The following VPS13B variants were observed in gnomAD, a reference collection of about 807,000 sequenced individuals.
VPS13B encodes the protein vacuolar protein sorting 13 homolog B.
VPS13B carries 285 observed loss-of-function variants against 426.4 expected under a neutral mutation model. The observed-to-expected ratio is 0.67, with a 90% CI of 0.61 to 0.74. VPS13B has a LOEUF of 0.74. Among genes scored for constraint, VPS13B ranks in the 30% least tolerant of loss-of-function variants. The probability of loss-of-function intolerance (pLI) is 0.00; values close to 1 mark genes in which losing one functional copy is unlikely to be tolerated. For missense variants in VPS13B, 4,537 were observed against 4,782.6 expected, an observed-to-expected ratio of 0.95 and a Z score of 1.51; for synonymous variants, 1,676 against 1,676.4, an observed-to-expected ratio of 1.00 and a Z score of 0.01.
chr8:99,671,603 G>A (rs1830719053), intron 35 of VPS13B, among the ~76,000 whole-genome samples: 1 of 152,062 alleles, frequency 6.6e-6, no homozygotes, highest in Non-Finnish European at 1.5e-5. Context: ...GTAGTTTTTG[G>A]TCTTACTACA....
At chr8:99,033,752 T>A (rs1252665698) in intron 2 of VPS13B, among the ~76,000 whole-genome samples, 1 of 151,838 alleles carries the variant, frequency 6.6e-6, no homozygotes, top group Non-Finnish European at 1.5e-5. Context: ...AAAAATTAGC[T>A]GGGTGTGGTG....
At chr8:99,451,959 A>G (rs1156758657) in intron 23 of VPS13B, among the ~76,000 whole-genome samples, 1 of 152,136 alleles carries the variant, frequency 6.6e-6, no homozygotes. Context: ...GACCAAAGTA[A>G]TTTGAAATTC....
intron 19 of VPS13B, among the ~76,000 whole-genome samples, chr8:99,351,310 C>T (rs878894435): frequency 6.6e-6 from 1 of 152,102 alleles, no homozygotes; most frequent in Admixed American, 6.5e-5. Flanking sequence ...AATTCCTATG[C>T]TTCAAAACCT....
intron 19 of VPS13B, among the ~76,000 whole-genome samples, chr8:99,333,594 T>G (rs1810660597): frequency 1.3e-5 from 2 of 151,892 alleles, no homozygotes; most frequent in South Asian, 4.1e-4. Flanking sequence ...ATAGTCAAGA[T>G]ACAGAATAGT....
At chr8:99,504,629 T>C (rs1031766659) in intron 27 of VPS13B, among the ~76,000 whole-genome samples, 4 of 152,150 alleles carry the variant, frequency 2.6e-5, no homozygotes, top group African/African-American at 9.7e-5. Context: ...CTTAAAATAT[T>C]CAGGAGACCA....
intron 19 of VPS13B, among the ~76,000 whole-genome samples, chr8:99,315,177 C>G (rs2133111908): frequency 6.6e-6 from 1 of 152,224 alleles, no homozygotes; most frequent in African/African-American, 2.4e-5. Flanking sequence ...ATCTAAATCT[C>G]TTGCTAAACT....
chr8:99,369,914 C>T (rs1036169880), intron 19 of VPS13B, among the ~76,000 whole-genome samples: 1 of 151,930 alleles, frequency 6.6e-6, no homozygotes, highest in South Asian at 2.1e-4. Context: ...ATAGTATTAC[C>T]CTGAAACATT....
At chr8:99,760,219 G>A (rs1421209278) in intron 39 of VPS13B, among the ~76,000 whole-genome samples, 2 of 152,106 alleles carry the variant, frequency 1.3e-5, no homozygotes, top group African/African-American at 4.8e-5. Context: ...TTGTGACCCT[G>A]TGATCCACTT....
chr8:99,354,877 C>A (rs780357107), intron 19 of VPS13B, among the ~76,000 whole-genome samples: 4 of 152,100 alleles, frequency 2.6e-5, no homozygotes, highest in Non-Finnish European at 5.9e-5. Context: ...GACAAAAAAT[C>A]CAGCTCTGAT....
At position 99,417,976 on chromosome 8, in the gene VPS13B, C is replaced by T. The variant is rs188298903; in HGVS notation, c.3083-13561C>T. On this transcript the variant is annotated intron_variant, in intron 21 of 61. Transcript: ENST00000357162. Reference sequence around the variant, plus strand: ...GAATAAAAAAAGAAACCTAGGTTTTCTGAGTCCTCCCAGTCCATGCTTTCA... The same window carrying T: ...GAATAAAAAAAGAAACCTAGGTTTTTTGAGTCCTCCCAGTCCATGCTTTCA... Among the ~76,000 whole-genome samples the T allele has an allele frequency of 7.9e-5, 12 of 152,236 alleles. No individual in the cohort carries two copies. In the East Asian group the frequency reaches 2.3e-3, roughly 29 times the overall value.
rs986430895 is a variant in VPS13B, at chr8:99,033,081, A to T, written c.148-5342A>T. ...TCCTTTTAAACCAGAAGAACAAAGG[A>T]GAAAAAAGCATTTATACTGTCCTTT... On this transcript the variant is annotated intron_variant, in intron 2 of 61. Coordinates refer to ENST00000357162, the MANE Select transcript of VPS13B (RefSeq NM_152564.5). 7.9e-5 allele frequency among the ~76,000 whole-genome samples: 12 copies of T among 152,326 alleles called. No homozygotes were observed. In the South Asian group the frequency reaches 8.3e-4, roughly 11 times the overall value.
At chr8:99,833,164 G>C (rs761135127) in intron 52 of VPS13B, among the ~76,000 whole-genome samples, 43 of 152,202 alleles carry the variant, frequency 2.8e-4, no homozygotes, top group Non-Finnish European at 5.6e-4. Flanking sequence ...AGAAGACTCT[G>C]TTCTGTGGTC....
At chr8:99,836,939 G>A (rs1362022609) in intron 54 of VPS13B, among the ~76,000 whole-genome samples, 1 of 152,214 alleles carries the variant, frequency 6.6e-6, no homozygotes, top group African/African-American at 2.4e-5. Flanking sequence ...TGTAGTGGAA[G>A]CAAAAGGCCT....
intron 24 of VPS13B, among the ~76,000 whole-genome samples, chr8:99,471,453 C>T (rs182403540): frequency 6.6e-4 from 100 of 151,752 alleles, no homozygotes; most frequent in Admixed American, 2.0e-3. Flanking sequence ...TTAAGTAGAC[C>T]GAAAGTTTTG....
At chr8:99,521,122 G>A (rs1822362178) in intron 30 of VPS13B, 112 bp downstream of exon 30, 1 of 900,970 alleles carries the variant, frequency 1.1e-6, no homozygotes, top group Non-Finnish European at 1.7e-6. Flanking sequence ...AGGATCTTTT[G>A]ATATTTAAAA....
chr8:99,813,408 A>G (rs1180688755), intron 44 of VPS13B, among the ~76,000 whole-genome samples: 1 of 152,240 alleles, frequency 6.6e-6, no homozygotes, highest in Non-Finnish European at 1.5e-5. Flanking sequence ...AGCAAGAGCC[A>G]TGTGCATATA....
chr8:99,589,658 A>G lies in VPS13B; in HGVS notation c.5220+12025A>G, dbSNP rs149231602. 3.3e-5 allele frequency among the ~76,000 whole-genome samples: 5 copies of G among 152,070 alleles called. 1 individual carries two copies. Among genetic ancestry groups the G allele is most frequent in the African/African-American group, 1.2e-4 (5 of 41,366 alleles). Reference sequence around the variant, plus strand: ...CTTTGCTATTGCGAATAGTGCCGCTATAAACATACATGTGCCTGTGTCTTT... The same window carrying G: ...CTTTGCTATTGCGAATAGTGCCGCTGTAAACATACATGTGCCTGTGTCTTT... On this transcript the variant is annotated intron_variant, in intron 33 of 61. Coordinates refer to ENST00000357162, the MANE Select transcript of VPS13B (RefSeq NM_152564.5).
intron 4 of VPS13B, among the ~76,000 whole-genome samples, chr8:99,100,727 T>C (rs1846686565): frequency 6.6e-6 from 1 of 152,166 alleles, no homozygotes; most frequent in African/African-American, 2.4e-5. Flanking sequence ...TAAAAACTCA[T>C]GAATGCTTAC....
intron 3 of VPS13B, among the ~76,000 whole-genome samples, chr8:99,039,070 A>G (rs748234155): frequency 6.6e-6 from 1 of 152,178 alleles, no homozygotes; most frequent in Non-Finnish European, 1.5e-5. Context: ...GGTTGTTTTC[A>G]TACAGATTTT....
Sources: allele counts gnomAD v4.1 joint callset (sites outside exome capture counted in the v4.1 genomes callset), GRCh38; gene constraint gnomAD v4.1.1; transcripts MANE v1.5; gene names NCBI Gene and HGNC (gene_info 2026-07-23, HGNC 2026-07-21).